NEK7: variants seen among roughly 807,000 people sequenced by gnomAD.
The protein encoded by NEK7 is serine/threonine-protein kinase Nek7.
NEK7 carries 18 observed loss-of-function variants against 44.6 expected under a neutral mutation model. The ratio of observed to expected loss-of-function variants is 0.40; its 90% confidence interval spans 0.28 to 0.60. NEK7 has a LOEUF of 0.60. Ranked by LOEUF, NEK7 falls within the 20% of genes least tolerant of loss-of-function variation. NEK7 has a pLI of 0.38. For missense variants in NEK7, 256 were observed against 366.5 expected (o/e 0.70, Z 2.46); for synonymous variants, 130 against 121.1 (o/e 1.07, Z -0.48).
intron 1 of NEK7, among the ~76,000 whole-genome samples, chr1:198,193,360 A>G (rs998085366): frequency 1.3e-5 from 2 of 152,202 alleles, no homozygotes; most frequent in African/African-American, 4.8e-5. Flanking sequence ...ACAGATATAC[A>G]GCTGAAATCT....
At chr1:198,198,094 A>G (rs990122160) in intron 1 of NEK7, 6 of 1,402,608 alleles carry the variant, frequency 4.3e-6, no homozygotes, top group Non-Finnish European at 5.8e-6. Context: ...GTGGATTGAT[A>G]GGTGGTGGGT....
chr1:198,314,042 C>G (rs1655273464), intron 9 of NEK7, among the ~76,000 whole-genome samples: 1 of 151,908 alleles, frequency 6.6e-6, no homozygotes, highest in African/African-American at 2.4e-5. Context: ...CAACTTGGTT[C>G]CATTCTCCCC....
At chr1:198,316,666 T>C (rs548084947) in intron 9 of NEK7, among the ~76,000 whole-genome samples, 1 of 152,346 alleles carries the variant, frequency 6.6e-6, no homozygotes, top group East Asian at 1.9e-4. Flanking sequence ...TATCTTCCGC[T>C]AGATTGTAGG....
At chr1:198,236,060 A>G (rs1489485841) in intron 2 of NEK7, among the ~76,000 whole-genome samples, 1 of 152,156 alleles carries the variant, frequency 6.6e-6, no homozygotes, top group Non-Finnish European at 1.5e-5. Flanking sequence ...GATGAAATAA[A>G]GTTTACCTTG....
intron 7 of NEK7, among the ~76,000 whole-genome samples, chr1:198,284,572 G>T (rs1654311224): frequency 6.6e-6 from 1 of 152,112 alleles, no homozygotes; most frequent in Non-Finnish European, 1.5e-5. Context: ...ACCAAAACTT[G>T]TGAAATTGGA....
chr1:198,286,198 T>A (rs1654363154), intron 7 of NEK7, among the ~76,000 whole-genome samples: 1 of 152,228 alleles, frequency 6.6e-6, no homozygotes, highest in Admixed American at 6.5e-5. Flanking sequence ...TGATTTCTAT[T>A]CTACATCTCT....
At chr1:198,233,156 CT>C (rs757762775) in intron 2 of NEK7, among the ~76,000 whole-genome samples, 2 of 151,778 alleles carry the variant, frequency 1.3e-5, no homozygotes, top group Non-Finnish European at 2.9e-5. Context: ...GTACCTGCCC[CT>C]GCTTTAGTGA....
At chr1:198,166,674 C>T (rs1278044331) in intron 1 of NEK7, among the ~76,000 whole-genome samples, 2 of 152,152 alleles carry the variant, frequency 1.3e-5, no homozygotes, top group Admixed American at 6.5e-5. Context: ...CACCATGTAT[C>T]GTTAAGTTTA....
intron 3 of NEK7, among the ~76,000 whole-genome samples, chr1:198,257,546 T>G (rs1242820315): frequency 2.0e-5 from 3 of 152,208 alleles, no homozygotes; most frequent in East Asian, 3.8e-4. Flanking sequence ...TCATTGTGAT[T>G]AATAAATTTA....
intron 1 of NEK7, among the ~76,000 whole-genome samples, chr1:198,219,089 T>A (rs1298889321): frequency 6.6e-6 from 1 of 151,782 alleles, no homozygotes; most frequent in African/African-American, 2.4e-5. Context: ...AGTCACTGTA[T>A]CAAAGAAACG....
chr1:198,170,091 G>A (rs1406912842), intron 1 of NEK7, among the ~76,000 whole-genome samples: 1 of 152,220 alleles, frequency 6.6e-6, no homozygotes, highest in Non-Finnish European at 1.5e-5. Context: ...ATGGTATGAA[G>A]GAGGTCTTAT....
At chr1:198,216,080 A>AATAGAT (rs1293887349) in intron 1 of NEK7, among the ~76,000 whole-genome samples, 1 of 152,132 alleles carries the variant, frequency 6.6e-6, no homozygotes, top group African/African-American at 2.4e-5. Flanking sequence ...AAATGAACCT[A>AATAGAT]ATAGATATTC....
chr1:198,230,178 G>A (rs977967671), intron 1 of NEK7, among the ~76,000 whole-genome samples: 6 of 152,064 alleles, frequency 3.9e-5, no homozygotes, highest in Middle Eastern at 3.4e-3. Flanking sequence ...TTTTCTTTAC[G>A]GAATATCTTG....
chr1:198,280,840 T>C (rs183356955), intron 7 of NEK7, among the ~76,000 whole-genome samples: 1 of 150,762 alleles, frequency 6.6e-6, no homozygotes, highest in East Asian at 1.9e-4. Flanking sequence ...CTAAGCATTC[T>C]AAGACATACC....
intron 7 of NEK7, among the ~76,000 whole-genome samples, chr1:198,285,060 C>T (rs900551306): frequency 2.6e-5 from 4 of 152,002 alleles, no homozygotes; most frequent in Non-Finnish European, 5.9e-5. Flanking sequence ...CCCACTCCAC[C>T]CCTAGAACTC....
intron 1 of NEK7, among the ~76,000 whole-genome samples, chr1:198,205,102 A>G (rs1483989605): frequency 6.6e-6 from 1 of 152,090 alleles, no homozygotes; most frequent in Non-Finnish European, 1.5e-5. Context: ...TAAAAACCCC[A>G]TTGCTTATTT....
At chr1:198,163,755 G>A (rs1411463169) in intron 1 of NEK7, among the ~76,000 whole-genome samples, 4 of 152,084 alleles carry the variant, frequency 2.6e-5, no homozygotes, top group African/African-American at 7.2e-5. Context: ...TCTCATCACC[G>A]TCTTTGTTGT....
At chr1:198,218,711 AG>A (rs1665995677) in intron 1 of NEK7, among the ~76,000 whole-genome samples, 1 of 149,592 alleles carries the variant, frequency 6.7e-6, no homozygotes, top group Non-Finnish European at 1.5e-5. Context: ...TAAATCAGCA[AG>A]AAAAAAATCC....
intron 1 of NEK7, 109 bp downstream of exon 1, chr1:198,157,385 C>T (rs1457098849): frequency 6.6e-6 from 1 of 152,296 alleles, no homozygotes; most frequent in Non-Finnish European, 1.5e-5. Context: ...GCGGGGCGGC[C>T]TCCGGGATAC....
Sources: gnomAD v4.1 joint callset for allele counts (sites outside exome capture counted in the v4.1 genomes callset) on GRCh38, gnomAD v4.1.1 for gene constraint, MANE v1.5 for transcripts, NCBI Gene and HGNC (gene_info 2026-07-23, HGNC 2026-07-21) for gene names.